HIPK2: variants seen among roughly 807,000 people sequenced by gnomAD.
HIPK2 encodes homeodomain interacting protein kinase 2, also known as homeodomain-interacting protein kinase 2.
Under a neutral mutation model 113.7 loss-of-function variants are expected in HIPK2, and 27 were observed. That is an observed-to-expected ratio of 0.24 (90% CI 0.17 to 0.33). The LOEUF is 0.33. Among genes scored for constraint, HIPK2 ranks in the 10% least tolerant of loss-of-function variants. The pLI, the probability that HIPK2 is intolerant of heterozygous loss-of-function variation, is 1.00. For missense variants in HIPK2, 1,257 were observed against 1,588.0 expected (o/e 0.79, Z 3.54); for synonymous variants, 631 against 642.2 (o/e 0.98, Z 0.26).
At chr7:139,632,003 C>T (rs118152986) in intron 2 of HIPK2, among the ~76,000 whole-genome samples, 2,215 of 152,316 alleles carry the variant, frequency 0.015, 32 homozygotes, top group Middle Eastern at 0.041. Context: ...ACTTCATTAC[C>T]TTCACACGCC....
Position 139,566,891 on chromosome 7 carries a change from C to G in HIPK2, c.*6036G>C, listed in dbSNP as rs895938309. On this transcript the variant is annotated 3_prime_UTR_variant, in exon 15 of 15. Coordinates refer to ENST00000406875, the MANE Select transcript of HIPK2 (RefSeq NM_022740.5). This position sits in a 1 kb window ranked among gnomAD's most constrained non-coding sequence, Gnocchi z 4.1. ...CAGCGGGGGGCATCGGGAAGACCCT[C>G]TCTGGTGCTGGTGTTCTGGGACGGG... The G allele has an allele frequency of 6.6e-6, 1 of 152,286 alleles. No homozygotes were observed. The highest frequency in any genetic ancestry group is 1.5e-5 in the Non-Finnish European group (1 of 68,086). 9.4% of individuals were successfully genotyped at this position (152,286 alleles called of 1,614,324 possible).
chr7:139,708,908 ATG>A (rs1243441575), intron 2 of HIPK2, among the ~76,000 whole-genome samples: 1 of 151,990 alleles, frequency 6.6e-6, no homozygotes, highest in Non-Finnish European at 1.5e-5. Context: ...GTGTGTGTGC[ATG>A]TGTGTGTGTG....
intron 12 of HIPK2, among the ~76,000 whole-genome samples, chr7:139,587,677 G>C (rs1412798267): frequency 6.6e-6 from 1 of 151,820 alleles, no homozygotes; most frequent in Non-Finnish European, 1.5e-5. Context: ...CCAGAAGTTT[G>C]AGAGCAGCCT....
chr7:139,579,723 C>A (rs1798606386), intron 13 of HIPK2, among the ~76,000 whole-genome samples: 1 of 151,744 alleles, frequency 6.6e-6, no homozygotes, highest in South Asian at 2.1e-4. Context: ...AAACTCAGAG[C>A]CCCCTGCCCT....
intron 11 of HIPK2, among the ~76,000 whole-genome samples, chr7:139,599,562 G>C (rs1419883130): frequency 6.6e-6 from 1 of 152,216 alleles, no homozygotes; most frequent in Non-Finnish European, 1.5e-5. Flanking sequence ...GAATGGGAAA[G>C]ATTTGTGTTC....
chr7:139,659,722 C>T (rs935907416), intron 2 of HIPK2, among the ~76,000 whole-genome samples: 9 of 151,298 alleles, frequency 5.9e-5, no homozygotes, highest in African/African-American at 1.7e-4. Flanking sequence ...CTCCAGCCCA[C>T]GAACTTCTGG....
chr7:139,600,609 C>G lies in HIPK2; in HGVS notation c.2256-13G>C, dbSNP rs1419762915. The G allele has an allele frequency of 1.2e-6, 2 of 1,612,708 alleles. No homozygotes were observed. Among genetic ancestry groups the G allele is most frequent in the African/African-American group, 1.3e-5 (1 of 74,886 alleles). On this transcript the variant is annotated splice_polypyrimidine_tract_variant and intron_variant, in intron 10 of 14. Coordinates refer to ENST00000406875, the MANE Select transcript of HIPK2 (RefSeq NM_022740.5). ...AGCATGCGTATTTCTGAAAGGCAAC[C>G]GGGACAACAAGGTGCCTTAGAGGTG...
intron 13 of HIPK2, among the ~76,000 whole-genome samples, chr7:139,582,629 C>T (rs1480003920): frequency 4.6e-5 from 7 of 152,240 alleles, no homozygotes; most frequent in African/African-American, 1.2e-4. Context: ...AAAAGAGCTT[C>T]GCCGCAAATG....
intron 6 of HIPK2, 99 bp downstream of exon 6, chr7:139,626,502 T>A: frequency 7.8e-7 from 1 of 1,287,884 alleles, no homozygotes; most frequent in Non-Finnish European, 1.1e-6. Context: ...GCTGAGTAGT[T>A]GTTACCAAGA....
At chr7:139,738,670 G>A (rs993407879) in intron 1 of HIPK2, among the ~76,000 whole-genome samples, 3 of 152,196 alleles carry the variant, frequency 2.0e-5, no homozygotes, top group Non-Finnish European at 4.4e-5. Context: ...AACAAATGGG[G>A]TGAAGTGATA....
intron 12 of HIPK2, among the ~76,000 whole-genome samples, chr7:139,585,819 G>A (rs1336331705): frequency 2.0e-5 from 3 of 152,042 alleles, no homozygotes; most frequent in Non-Finnish European, 4.4e-5. Flanking sequence ...ATTCTATCAG[G>A]GTAAGGACTT....
intron 1 of HIPK2, among the ~76,000 whole-genome samples, chr7:139,720,895 T>C (rs1795389070): frequency 6.6e-6 from 1 of 152,102 alleles, no homozygotes; most frequent in South Asian, 2.1e-4. Context: ...GGAAAGGCCG[T>C]CCACGGTGCA....
At chr7:139,715,360 C>A (rs1280856940) in intron 2 of HIPK2, among the ~76,000 whole-genome samples, 3 of 152,218 alleles carry the variant, frequency 2.0e-5, no homozygotes, top group Non-Finnish European at 4.4e-5. Context: ...CCCTTCTGCA[C>A]GTGGATAGAC....
At chr7:139,582,017 C>G (rs966259306) in intron 13 of HIPK2, among the ~76,000 whole-genome samples, 3 of 152,218 alleles carry the variant, frequency 2.0e-5, no homozygotes, top group African/African-American at 4.8e-5. Context: ...GTATGCAGCT[C>G]TCTTTAAGGA....
chr7:139,614,539 A>G, intron 7 of HIPK2, 46 bp from the exon 8 acceptor site: 3 of 1,197,178 alleles, frequency 2.5e-6, no homozygotes, highest in Non-Finnish European at 3.3e-6. Context: ...AAAATAAAAA[A>G]TGAGGGAGGT....
At chr7:139,663,321 C>T (rs889166974) in intron 2 of HIPK2, among the ~76,000 whole-genome samples, 34 of 152,324 alleles carry the variant, frequency 2.2e-4, no homozygotes, top group African/African-American at 7.7e-4. Context: ...CCTAATTCAG[C>T]TTTCTTCCTA....
chr7:139,620,754 G>A (rs780199579), intron 6 of HIPK2, among the ~76,000 whole-genome samples, 191 bp from the exon 7 acceptor site: 4 of 152,118 alleles, frequency 2.6e-5, no homozygotes, highest in South Asian at 2.1e-4. Context: ...CAACAGGCAC[G>A]GTTATTCAGA....
At position 139,562,952 on chromosome 7, in the gene HIPK2, G is replaced by T. The variant is rs1226498114; in HGVS notation, c.*9975C>A. On this transcript the variant is annotated 3_prime_UTR_variant, in exon 15 of 15. Transcript: ENST00000406875. The stretch of plus-strand genomic sequence containing the variant: ...TATGACTTTCTTGTCTATTTCATTT[G>T]GTTAAAAAAATGCACACACAGAGGA... 6.6e-6 allele frequency: 1 copy of T among 152,114 alleles called. No homozygotes were observed. Among genetic ancestry groups the T allele is most frequent in the Non-Finnish European group, 1.5e-5 (1 of 68,038 alleles). 9.4% of individuals were successfully genotyped at this position (152,114 alleles called of 1,614,324 possible).
intron 1 of HIPK2, among the ~76,000 whole-genome samples, chr7:139,753,057 C>T (rs979605773): frequency 6.6e-6 from 1 of 152,214 alleles, no homozygotes; most frequent in Non-Finnish European, 1.5e-5. Context: ...CCAAGGTTCT[C>T]CTGTCCCTCT....
Sources: gnomAD v4.1 joint callset for allele counts (sites outside exome capture counted in the v4.1 genomes callset) on GRCh38, gnomAD v4.1.1 for gene constraint, Gnocchi (gnomAD v3.1) non-coding constraint, MANE v1.5 for transcripts, NCBI Gene and HGNC (gene_info 2026-07-23, HGNC 2026-07-21) for gene names.